Variants in NETO2 observed in about 807,000 individuals in gnomAD.
The protein encoded by NETO2 is neuropilin and tolloid-like protein 2.
NETO2 carries 28 observed loss-of-function variants against 62.5 expected under a neutral mutation model. The observed-to-expected ratio is 0.45, with a 90% CI of 0.33 to 0.61. The LOEUF is 0.61. NETO2 is among the 20% of genes least tolerant of loss of function. The probability of loss-of-function intolerance (pLI) is 0.02; values close to 1 mark genes in which losing one functional copy is unlikely to be tolerated. For missense variants in NETO2, 548 were observed against 643.2 expected (o/e 0.85, Z 1.60); for synonymous variants, 214 against 219.1 (o/e 0.98, Z 0.21).
chr16:47,109,707 T>A lies in NETO2; in HGVS notation c.659A>T (p.Tyr220Phe). The change falls in exon 7 of 9, where the codon TAT (tyrosine) becomes TTT (phenylalanine). Residue 220 changes from tyrosine (Y) to phenylalanine (F), a missense_variant. Transcript: ENST00000562435. ...TIKATPKAKI[Y>F]LRFLDYQMEH... ...CATTTGATAATCTAGGAACCTCAAA[T>A]AAATCTGTAATATTAACACAAAAAC... 6.2e-7 allele frequency: 1 copy of A among 1,600,784 alleles called. No homozygotes were observed. The highest frequency in any genetic ancestry group is 8.6e-7 in the Non-Finnish European group (1 of 1,167,980).
At position 47,118,510 on chromosome 16, in the gene NETO2, A is replaced by C. The variant is rs564708078; in HGVS notation, c.654+4147T>G. On this transcript the variant is annotated intron_variant, in intron 6 of 8. Coordinates refer to ENST00000562435, the MANE Select transcript of NETO2 (RefSeq NM_018092.5). ...AATTTTAGTCTCCCAACCTGTTGTG[A>C]GTTCTGATTAAGAGAGAAAAAAGCC... Among the ~76,000 whole-genome samples the C allele has an allele frequency of 1.8e-3, 276 of 152,310 alleles. 1 individual carries two copies. Among genetic ancestry groups the C allele is most frequent in the African/African-American group, 6.2e-3 (259 of 41,570 alleles).
At chr16:47,115,080 A>G (rs1284683082) in intron 6 of NETO2, among the ~76,000 whole-genome samples, 4 of 152,154 alleles carry the variant, frequency 2.6e-5, no homozygotes, top group African/African-American at 9.7e-5. Context: ...TCTCTGGACT[A>G]TCTTGTTCCA....
chr16:47,099,450 C>T lies in NETO2; in HGVS notation c.883+10033G>A, dbSNP rs138270376. ...ACCATCATAATGACAGGATCAAATT[C>T]GCACATAACAATATTAACCTTAGAT... On this transcript the variant is annotated intron_variant, in intron 7 of 8. Coordinates refer to ENST00000562435, the MANE Select transcript of NETO2 (RefSeq NM_018092.5). 5.4e-3 allele frequency among the ~76,000 whole-genome samples: 817 copies of T among 152,248 alleles called. 8 individuals are homozygous for T. The highest frequency in any genetic ancestry group is 0.019 in the African/African-American group (772 of 41,546).
chr16:47,137,605 T>C (rs1027398064), intron 1 of NETO2, among the ~76,000 whole-genome samples: 4 of 152,208 alleles, frequency 2.6e-5, no homozygotes, highest in Non-Finnish European at 1.5e-5. Context: ...TCTGAACATC[T>C]GCACTTGCCA....
intron 3 of NETO2, 133 bp from the exon 4 acceptor site, chr16:47,128,706 T>C: frequency 1.1e-6 from 1 of 914,182 alleles, no homozygotes; most frequent in Non-Finnish European, 1.7e-6. Context: ...AGAATTGCTA[T>C]ACAAGTCATG....
chr16:47,089,836 T>C (rs1450840797), intron 7 of NETO2, among the ~76,000 whole-genome samples: 2 of 152,200 alleles, frequency 1.3e-5, no homozygotes, highest in East Asian at 3.8e-4. Flanking sequence ...AAGAGAAACA[T>C]ATAGCATTTT....
intron 7 of NETO2, among the ~76,000 whole-genome samples, chr16:47,107,963 A>G (rs779476499): frequency 2.2e-4 from 34 of 152,012 alleles, no homozygotes; most frequent in Non-Finnish European, 4.6e-4. Flanking sequence ...TTTAGTAGAG[A>G]TGGGGGTTTC....
At chr16:47,119,441 G>A (rs1963993681) in intron 6 of NETO2, among the ~76,000 whole-genome samples, 1 of 152,006 alleles carries the variant, frequency 6.6e-6, no homozygotes, top group Admixed American at 6.6e-5. Flanking sequence ...GTGAACCACT[G>A]CACCCGGCCT....
chr16:47,081,919 T>G lies in NETO2; in HGVS notation c.*1302A>C, dbSNP rs1161824624. ...GAAAGAAAGAGCTTATGTCCACATT[T>G]CCAAGGTCTTTACAATAAGTTATAG... On this transcript the variant is annotated 3_prime_UTR_variant, in exon 9 of 9. Transcript: ENST00000562435. 2 of 152,636 alleles carry G rather than the reference T, an allele frequency of 1.3e-5. No individual in the cohort carries two copies. The highest frequency in any genetic ancestry group is 4.8e-5 in the African/African-American group (2 of 41,460). 9.5% of individuals were successfully genotyped at this position (152,636 alleles called of 1,614,324 possible). A position where few individuals can be genotyped will look rare whatever the true frequency, so the allele number is the denominator to read the frequency against.
chr16:47,084,129 G>C (rs1963132893), intron 8 of NETO2, among the ~76,000 whole-genome samples: 1 of 152,146 alleles, frequency 6.6e-6, no homozygotes. Flanking sequence ...ATCAAGTTTA[G>C]CTTTCTGCTT....
chr16:47,084,932 C>T lies in NETO2; in HGVS notation c.998-1131G>A, dbSNP rs1284306014. Reference sequence around the variant, plus strand: ...ATAATAAAGTGCCCAATAAATGTAACGCGCTTAAATCATCCTGAAACCAAC... The same window carrying T: ...ATAATAAAGTGCCCAATAAATGTAATGCGCTTAAATCATCCTGAAACCAAC... On this transcript the variant is annotated intron_variant, in intron 8 of 8. Coordinates refer to ENST00000562435, the MANE Select transcript of NETO2 (RefSeq NM_018092.5). 4.6e-5 allele frequency among the ~76,000 whole-genome samples: 7 copies of T among 152,094 alleles called. No individual in the cohort carries two copies. In the South Asian group the frequency reaches 6.2e-4, roughly 14 times the overall value.
At chr16:47,094,317 T>C (rs1238314979) in intron 7 of NETO2, among the ~76,000 whole-genome samples, 2 of 150,632 alleles carry the variant, frequency 1.3e-5, no homozygotes, top group East Asian at 1.9e-4. Context: ...TTTAAGGAGA[T>C]AGAAAAGCAA....
chr16:47,135,158 A>AT (rs1201691240), intron 1 of NETO2, among the ~76,000 whole-genome samples: 1 of 152,258 alleles, frequency 6.6e-6, no homozygotes, highest in Non-Finnish European at 1.5e-5. Context: ...CCTGAGTTGT[A>AT]TAACAAGGTC....
At chr16:47,099,907 G>A (rs142847991) in intron 7 of NETO2, among the ~76,000 whole-genome samples, 30 of 152,110 alleles carry the variant, frequency 2.0e-4, no homozygotes, top group Non-Finnish European at 3.1e-4. Context: ...ATAACGAGAC[G>A]GAAAATTAAC....
At chr16:47,121,928 G>GTGTC (rs1477063338) in intron 6 of NETO2, among the ~76,000 whole-genome samples, 1 of 152,072 alleles carries the variant, frequency 6.6e-6, no homozygotes, top group Non-Finnish European at 1.5e-5. Context: ...ATGTTTCCAT[G>GTGTC]TGTCTTCTAG....
chr16:47,104,125 A>G (rs966223804), intron 7 of NETO2, among the ~76,000 whole-genome samples: 3 of 152,142 alleles, frequency 2.0e-5, no homozygotes, highest in Non-Finnish European at 4.4e-5. Context: ...AAAACCCTAA[A>G]GATCACACCC....
intron 1 of NETO2, among the ~76,000 whole-genome samples, chr16:47,141,974 TG>T (rs986593852): frequency 6.6e-6 from 1 of 152,210 alleles, no homozygotes; most frequent in Non-Finnish European, 1.5e-5. Flanking sequence ...TATCAAGTTC[TG>T]CAGGTAAAGC....
chr16:47,086,762 C>T (rs998145374), intron 7 of NETO2, among the ~76,000 whole-genome samples: 7 of 152,084 alleles, frequency 4.6e-5, no homozygotes, highest in Non-Finnish European at 7.4e-5. Context: ...ATAGAATTAC[C>T]GTATGATCCA....
chr16:47,112,510 C>T (rs1230329585), intron 6 of NETO2, among the ~76,000 whole-genome samples: 4 of 152,124 alleles, frequency 2.6e-5, no homozygotes, highest in Non-Finnish European at 5.9e-5. Context: ...CGGTGTGCAC[C>T]ACCACACCTG....
Sources: allele counts gnomAD v4.1 joint callset (sites outside exome capture counted in the v4.1 genomes callset), GRCh38; gene constraint gnomAD v4.1.1; transcripts MANE v1.5; gene names NCBI Gene and HGNC (gene_info 2026-07-23, HGNC 2026-07-21).